SPIRE2: variants seen among roughly 807,000 people sequenced by gnomAD.
SPIRE2 encodes the protein protein spire homolog 2.
A neutral mutation model predicts 80.7 loss-of-function variants in SPIRE2; 76 were observed. The ratio of observed to expected loss-of-function variants is 0.94; its 90% CI spans 0.78 to 1.14. The LOEUF (loss-of-function observed/expected upper bound fraction) is 1.14. Among genes scored for constraint, SPIRE2 ranks in the 50% most tolerant of loss-of-function variants. SPIRE2 has a pLI of 0.00. For missense variants in SPIRE2, 1,196 were observed against 1,015.3 expected, an observed-to-expected ratio of 1.18 and a Z score of -2.42; for synonymous variants, 535 against 432.6, an observed-to-expected ratio of 1.24 and a Z score of -2.94.
chr16:89,839,294 A>T (rs1302679195), intron 1 of SPIRE2, among the ~76,000 whole-genome samples: 4 of 151,888 alleles, frequency 2.6e-5, no homozygotes, highest in Admixed American at 2.6e-4. Flanking sequence ...GAATGGCATG[A>T]ACCCAGGAGG....
intron 1 of SPIRE2, among the ~76,000 whole-genome samples, chr16:89,839,866 CA>C: frequency 6.6e-6 from 1 of 152,348 alleles, no homozygotes; most frequent in Middle Eastern, 3.4e-3. Context: ...CAAGCCTGGC[CA>C]GGGGGCCCTG....
intron 1 of SPIRE2, chr16:89,836,279 C>A (rs564642693): frequency 2.2e-6 from 1 of 456,020 alleles, no homozygotes; most frequent in Non-Finnish European, 4.4e-6. Flanking sequence ...CCTCAACTGC[C>A]ACTGTAAGCT....
rs1291356436 is a variant in SPIRE2 at position 89,850,382 on chromosome 16, C to T, written c.367C>T (p.Pro123Ser). The T allele has an allele frequency of 1.9e-6, 3 of 1,599,434 alleles. No homozygotes were observed. The highest frequency in any genetic ancestry group is 1.7e-6 in the Non-Finnish European group (2 of 1,174,598). The change falls in exon 3 of 15, where the codon CCT becomes TCT. Residue 123 changes from proline to serine, a missense_variant. Coordinates refer to ENST00000378247, the MANE Select transcript of SPIRE2 (RefSeq NM_032451.2). ...LDESEERELS[P>S]QLERLIDLMA... ...CGAGAGCGAGGAGCGCGAACTCAGC[C>T]CTCAGCTGGAGCGGCTCATCGACCT...
intron 1 of SPIRE2, among the ~76,000 whole-genome samples, chr16:89,835,685 A>G (rs1567668902): frequency 6.6e-6 from 1 of 152,126 alleles, no homozygotes. Context: ...TTGAGGCCCC[A>G]TTTAGGAGGA....
At position 89,863,919 on chromosome 16, in the gene SPIRE2, G is replaced by C; in HGVS notation, c.1778+58G>C. 1.5e-6 allele frequency: 2 copies of C among 1,354,994 alleles called. No homozygotes were observed. The highest frequency in any genetic ancestry group is 2.1e-6 in the Non-Finnish European group (2 of 961,258). 83.9% of individuals were successfully genotyped at this position (1,354,994 alleles called of 1,614,324 possible). On this transcript the variant is annotated intron_variant, in intron 12 of 14. Transcript: ENST00000378247. The surrounding 1 kb of genome is among the most constrained non-coding windows in gnomAD (Gnocchi z 4.3). ...GGAAGGAGGAGGCGAGAAACCTCGG[G>C]GCAGTACCGCCCACAGAACTTCCTG... is the stretch of plus-strand genomic sequence containing the variant.
chr16:89,870,412 T>A lies in SPIRE2; in HGVS notation c.*140T>A, dbSNP rs938638954. ...ACACAGTCTATATATTTATATACAC[T>A]GTTTCCTGGCCCCAGAGCTCATTTG... On this transcript the variant is annotated 3_prime_UTR_variant, in exon 15 of 15. Coordinates refer to ENST00000378247, the MANE Select transcript of SPIRE2 (RefSeq NM_032451.2). The A allele has an allele frequency of 1.0e-5, 6 of 598,344 alleles. No homozygotes were observed. Among genetic ancestry groups the A allele is most frequent in the East Asian group, 2.8e-5 (1 of 35,132 alleles). The allele number at this position is 598,344 out of a possible 1,614,324, so 37.1% of individuals were successfully genotyped here. A position where few individuals can be genotyped will look rare whatever the true frequency, so the allele number is the denominator to read the frequency against.
At chr16:89,837,844 G>A (rs1278017889) in intron 1 of SPIRE2, among the ~76,000 whole-genome samples, 4 of 152,184 alleles carry the variant, frequency 2.6e-5, no homozygotes, top group Admixed American at 6.6e-5. Context: ...CCTCTGAGAC[G>A]AGCACTGGCG....
intron 9 of SPIRE2, among the ~76,000 whole-genome samples, chr16:89,860,267 T>A (rs950153982): frequency 8.5e-5 from 13 of 152,166 alleles, no homozygotes; most frequent in Non-Finnish European, 4.4e-5. Context: ...TTCGCTTTTT[T>A]CTTCTTTTTG....
chr16:89,864,432 AAATCTGGTCCTCGGCCTGTTTTGC>A (rs1446899398), intron 12 of SPIRE2, among the ~76,000 whole-genome samples: 1 of 152,224 alleles, frequency 6.6e-6, no homozygotes, highest in Non-Finnish European at 1.5e-5. Context: ...GCCACGGGCC[AAATCTGGTCCTCGGCCTGTTTTGC>A]AAGTAAAATC....
intron 12 of SPIRE2, among the ~76,000 whole-genome samples, chr16:89,865,720 G>A (rs1261622416): frequency 6.6e-6 from 1 of 152,092 alleles, no homozygotes; most frequent in Non-Finnish European, 1.5e-5. Flanking sequence ...CTTGATCCCA[G>A]CACTTTGGGA....
intron 1 of SPIRE2, among the ~76,000 whole-genome samples, chr16:89,833,622 G>A (rs534598496): frequency 2.5e-4 from 38 of 152,324 alleles, no homozygotes; most frequent in African/African-American, 7.0e-4. Flanking sequence ...TTCCTTCTCC[G>A]TGAAATGGGA....
chr16:89,832,202 G>A (rs368874404), intron 1 of SPIRE2, among the ~76,000 whole-genome samples: 3 of 152,348 alleles, frequency 2.0e-5, no homozygotes, highest in African/African-American at 7.2e-5. Flanking sequence ...ACGGAAGCCC[G>A]TTTGTGTGTC....
chr16:89,866,294 AT>A (rs899239259), intron 12 of SPIRE2, among the ~76,000 whole-genome samples: 26 of 148,068 alleles, frequency 1.8e-4, no homozygotes, highest in South Asian at 2.1e-4. Flanking sequence ...TCATGTTTGA[AT>A]TTTTTTTTTT....
At chr16:89,869,535 C>T (rs748312257) in intron 13 of SPIRE2, 32 bp from the exon 14 acceptor site, 1 of 1,461,536 alleles carries the variant, frequency 6.8e-7, no homozygotes, top group East Asian at 2.3e-5. Context: ...TCTGGTGGTG[C>T]CTGGTTCATA....
chr16:89,841,472 C>T (rs1332337717), intron 1 of SPIRE2, among the ~76,000 whole-genome samples: 5 of 152,086 alleles, frequency 3.3e-5, no homozygotes, highest in Non-Finnish European at 5.9e-5. Context: ...TCTGTGGCCA[C>T]GTTGGTGACG....
intron 1 of SPIRE2, among the ~76,000 whole-genome samples, chr16:89,843,084 C>A (rs1487288941): frequency 6.6e-6 from 1 of 152,240 alleles, no homozygotes; most frequent in African/African-American, 2.4e-5. Flanking sequence ...CTAGCACAGT[C>A]CCACCTGCAT....
chr16:89,860,677 C>T lies in SPIRE2; in HGVS notation c.1463-6C>T, dbSNP rs752556840. On this transcript the variant is annotated splice_polypyrimidine_tract_variant and splice_region_variant and intron_variant, in intron 9 of 14. Transcript: ENST00000378247. ...CAGTCCTGATGGAGCCTCTGCTCTC[C>T]CCCAGGTACCTGTCCCGCGAGTGTC... is the stretch of plus-strand genomic sequence containing the variant. 3 of 1,572,988 alleles carry T rather than the reference C, an allele frequency of 1.9e-6. No homozygotes were observed. The highest frequency in any genetic ancestry group is 3.6e-5 in the Admixed American group (2 of 55,138).
intron 5 of SPIRE2, among the ~76,000 whole-genome samples, chr16:89,854,975 G>A (rs963273891): frequency 6.6e-6 from 1 of 151,836 alleles, no homozygotes; most frequent in South Asian, 2.1e-4. Context: ...GTCTCGCTCT[G>A]TCGCCCAGGC....
rs774655599 is a variant in SPIRE2 at position 89,857,881 on chromosome 16, C to CTT, written c.1103-439_1103-438dup. ...CACCGCACCCAGCCTAGTTCTTCTT[C>CTT]TTTTTTTTTTTTTTTTTTTGAGACA... On this transcript the variant is annotated intron_variant, in intron 7 of 14. Coordinates refer to ENST00000378247, the MANE Select transcript of SPIRE2 (RefSeq NM_032451.2). Among the ~76,000 whole-genome samples the CTT allele has an allele frequency of 2.8e-3, 302 of 107,186 alleles. 6 individuals are homozygous for CTT. The highest frequency in any genetic ancestry group is 8.6e-3 in the Admixed American group (79 of 9,156). The allele number at this position is 107,186 out of a possible 152,430, so 70.3% of individuals were successfully genotyped here.
Sources: allele counts gnomAD v4.1 joint callset (sites outside exome capture counted in the v4.1 genomes callset), GRCh38; gene constraint gnomAD v4.1.1; non-coding constraint Gnocchi (gnomAD v3.1); transcripts MANE v1.5; gene names NCBI Gene and HGNC (gene_info 2026-07-23, HGNC 2026-07-21).